Variants in DCLK1 observed in about 807,000 individuals in gnomAD.
DCLK1 encodes the protein serine/threonine-protein kinase DCLK1.
Under a neutral mutation model 86.2 loss-of-function variants are expected in DCLK1, and 16 were observed. That is an observed-to-expected ratio of 0.19 (90% confidence interval 0.13 to 0.28). The LOEUF (loss-of-function observed/expected upper bound fraction) is 0.28, where lower values mean the gene tolerates loss of function less well. Ranked by LOEUF, DCLK1 falls within the 10% of genes least tolerant of loss-of-function variation. The pLI is 1.00. For missense variants in DCLK1, 590 were observed against 940.2 expected (o/e 0.63, Z 4.87); for synonymous variants, 369 against 370.5 (o/e 1.00, Z 0.05).
chr13:36,003,254 T>G (rs1880798604), intron 3 of DCLK1, among the ~76,000 whole-genome samples: 1 of 152,212 alleles, frequency 6.6e-6, no homozygotes, highest in Non-Finnish European at 1.5e-5. Flanking sequence ...CTTGAAGATT[T>G]TCATTCTGCC....
At chr13:35,861,567 G>T (rs969110067) in intron 5 of DCLK1, among the ~76,000 whole-genome samples, 3 of 152,120 alleles carry the variant, frequency 2.0e-5, no homozygotes. Context: ...GGCCACAGTG[G>T]TGTCCTCACT....
intron 4 of DCLK1, among the ~76,000 whole-genome samples, chr13:35,904,549 G>T (rs1012231334): frequency 2.0e-5 from 3 of 152,156 alleles, no homozygotes; most frequent in Non-Finnish European, 2.9e-5. Context: ...CATTGCACTT[G>T]CTGCTCTGAT....
At chr13:36,075,432 T>A (rs946201435) in intron 3 of DCLK1, among the ~76,000 whole-genome samples, 1 of 152,202 alleles carries the variant, frequency 6.6e-6, no homozygotes, top group African/African-American at 2.4e-5. Flanking sequence ...ATATTACTTG[T>A]ATGCGACATC....
chr13:35,830,835 G>A (rs1425156441), intron 8 of DCLK1, among the ~76,000 whole-genome samples: 3 of 152,210 alleles, frequency 2.0e-5, no homozygotes, highest in African/African-American at 4.8e-5. Flanking sequence ...GGACAGGACC[G>A]TGCTGGTCAG....
At chr13:35,975,398 G>A (rs1040370418) in intron 3 of DCLK1, among the ~76,000 whole-genome samples, 7 of 152,152 alleles carry the variant, frequency 4.6e-5, no homozygotes, top group African/African-American at 1.4e-4. Flanking sequence ...CCAACCTGGG[G>A]TGCCAGAAAC....
intron 3 of DCLK1, among the ~76,000 whole-genome samples, chr13:36,013,582 C>T (rs1432285427): frequency 6.6e-6 from 1 of 152,114 alleles, no homozygotes; most frequent in Non-Finnish European, 1.5e-5. Context: ...GCAGTCTGCC[C>T]GTTCTCAGAT....
chr13:35,898,734 G>A (rs2153121548), intron 4 of DCLK1, among the ~76,000 whole-genome samples: 1 of 152,162 alleles, frequency 6.6e-6, no homozygotes, highest in South Asian at 2.1e-4. Context: ...TGAACATGGT[G>A]GGTTTTTTCT....
intron 3 of DCLK1, among the ~76,000 whole-genome samples, chr13:36,090,674 C>A (rs1002807933): frequency 6.6e-6 from 1 of 152,084 alleles, no homozygotes; most frequent in African/African-American, 2.4e-5. Context: ...TGAACGCATG[C>A]GTGGAGAAGG....
At chr13:35,944,086 T>G (rs539455918) in intron 4 of DCLK1, among the ~76,000 whole-genome samples, 1 of 152,204 alleles carries the variant, frequency 6.6e-6, no homozygotes, top group Non-Finnish European at 1.5e-5. Flanking sequence ...GGAGTCTCCC[T>G]GGCAGTTTCC....
At chr13:36,023,847 C>A (rs114048126) in intron 3 of DCLK1, among the ~76,000 whole-genome samples, 16 of 151,654 alleles carry the variant, frequency 1.1e-4, no homozygotes, top group African/African-American at 3.6e-4. Flanking sequence ...AGCTTTCCCC[C>A]TAAGATTGGG....
At chr13:36,056,655 C>CA (rs530272282) in intron 3 of DCLK1, among the ~76,000 whole-genome samples, 18,697 of 120,862 alleles carry the variant, frequency 0.15, 1,572 homozygotes, top group South Asian at 0.38. Flanking sequence ...TTCCAGAGCA[C>CA]ACAAAAAAAA....
chr13:36,016,984 C>T (rs901216393), intron 3 of DCLK1, among the ~76,000 whole-genome samples: 1 of 152,156 alleles, frequency 6.6e-6, no homozygotes, highest in African/African-American at 2.4e-5. Flanking sequence ...CAAACAAAAA[C>T]ATCCAACCAA....
rs189537845 is a variant in DCLK1, at chr13:35,774,283, A to T, written c.*252T>A. On this transcript the variant is annotated 3_prime_UTR_variant, in exon 17 of 17. Transcript: ENST00000360631. ...GAAAACATTCATTGCTTCTAAGTTT[A>T]AAAAAAAATTGCAAATTGGCCTTAA... 537 of 382,126 alleles carry T rather than the reference A, an allele frequency of 1.4e-3. 1 individual carries two copies. Among genetic ancestry groups the T allele is most frequent in the African/African-American group, 1.0e-2 (493 of 49,500 alleles). 23.7% of individuals were successfully genotyped at this position (382,126 alleles called of 1,614,324 possible).
intron 8 of DCLK1, among the ~76,000 whole-genome samples, chr13:35,832,720 A>G (rs1869056212): frequency 6.6e-6 from 1 of 152,310 alleles, no homozygotes; most frequent in Admixed American, 6.5e-5. Context: ...TCCTCCATAA[A>G]GAGATAACTG....
chr13:35,790,395 T>A (rs1172583683), intron 16 of DCLK1, among the ~76,000 whole-genome samples: 1 of 152,162 alleles, frequency 6.6e-6, no homozygotes, highest in Non-Finnish European at 1.5e-5. Flanking sequence ...GAATGAGAAG[T>A]ACTAGTTAAA....
chr13:35,823,070 G>A (rs2087434916), intron 10 of DCLK1, among the ~76,000 whole-genome samples, 195 bp from the exon 11 acceptor site: 1 of 152,072 alleles, frequency 6.6e-6, no homozygotes, highest in Admixed American at 6.5e-5. Flanking sequence ...ACAAAAACCA[G>A]TGGCATCTCC....
At chr13:36,004,522 GTTATC>G (rs1880860421) in intron 3 of DCLK1, among the ~76,000 whole-genome samples, 1 of 152,166 alleles carries the variant, frequency 6.6e-6, no homozygotes, top group African/African-American at 2.4e-5. Flanking sequence ...ATAAATTCAT[GTTATC>G]TTAAGAAGAG....
intron 9 of DCLK1, among the ~76,000 whole-genome samples, 173 bp from the exon 10 acceptor site, chr13:35,827,927 G>C (rs1868617753): frequency 6.6e-6 from 1 of 152,136 alleles, no homozygotes; most frequent in Admixed American, 6.5e-5. Context: ...AATAGATATG[G>C]AGATCCTTAC....
chr13:35,786,637 C>T (rs1013972054), intron 16 of DCLK1, among the ~76,000 whole-genome samples: 9 of 152,032 alleles, frequency 5.9e-5, no homozygotes, highest in Non-Finnish European at 1.0e-4. Context: ...TAGGTGCACT[C>T]TTCTGGAAGT....
Sources: allele counts gnomAD v4.1 joint callset (sites outside exome capture counted in the v4.1 genomes callset), GRCh38; gene constraint gnomAD v4.1.1; transcripts MANE v1.5; gene names NCBI Gene and HGNC (gene_info 2026-07-23, HGNC 2026-07-21).